RNF150: variants seen among roughly 807,000 people sequenced by gnomAD.
The protein encoded by RNF150 is ring finger protein 150.
RNF150 carries 24 observed loss-of-function variants against 39.3 expected under a neutral mutation model. That is an observed-to-expected ratio of 0.61 (90% CI 0.44 to 0.86). The LOEUF is 0.86. Among genes scored for constraint, RNF150 ranks in the 40% least tolerant of loss-of-function variants. The probability of loss-of-function intolerance (pLI) is 0.00; values close to 1 mark genes in which losing one functional copy is unlikely to be tolerated. For missense variants in RNF150, 502 were observed against 587.8 expected, an observed-to-expected ratio of 0.85 and a Z score of 1.51; for synonymous variants, 255 against 227.3, an observed-to-expected ratio of 1.12 and a Z score of -1.10.
At chr4:140,895,662 C>G (rs1177323742) in intron 6 of RNF150, among the ~76,000 whole-genome samples, 1 of 152,210 alleles carries the variant, frequency 6.6e-6, no homozygotes, top group African/African-American at 2.4e-5. Context: ...CAGATCTTAG[C>G]TGCAATGCAC....
intron 4 of RNF150, among the ~76,000 whole-genome samples, chr4:140,942,612 A>G (rs193220400): frequency 1.3e-5 from 2 of 152,240 alleles, no homozygotes; most frequent in East Asian, 3.9e-4. Flanking sequence ...CTTTATCCAA[A>G]ATGCTTGGGG....
At chr4:140,878,370 C>G (rs975928229) in intron 6 of RNF150, among the ~76,000 whole-genome samples, 4 of 151,828 alleles carry the variant, frequency 2.6e-5, no homozygotes, top group Non-Finnish European at 5.9e-5. Flanking sequence ...GGGGTTTTAC[C>G]ATATCAGCCA....
intron 1 of RNF150, among the ~76,000 whole-genome samples, chr4:141,103,429 C>T (rs1007496959): frequency 6.6e-6 from 1 of 152,144 alleles, no homozygotes; most frequent in Non-Finnish European, 1.5e-5. Context: ...ATTGTGGCCG[C>T]AGCAGGTATC....
At chr4:141,058,503 T>C (rs1369751061) in intron 1 of RNF150, among the ~76,000 whole-genome samples, 1 of 152,186 alleles carries the variant, frequency 6.6e-6, no homozygotes, top group African/African-American at 2.4e-5. Context: ...ACTGAAATCA[T>C]GTTTAGTAAC....
chr4:141,143,935 C>T (rs537601256), intron 1 of RNF150, among the ~76,000 whole-genome samples: 100 of 152,250 alleles, frequency 6.6e-4, no homozygotes, highest in African/African-American at 2.3e-3. Flanking sequence ...TATTTCACTC[C>T]TCTTATTTTT....
At chr4:141,080,577 G>A (rs7441493) in intron 1 of RNF150, among the ~76,000 whole-genome samples, 114,201 of 151,970 alleles carry the variant, frequency 0.75, 43,487 homozygotes, top group East Asian at 1. Context: ...TCTCCTAGAA[G>A]AAGTCCATTC....
intron 5 of RNF150, among the ~76,000 whole-genome samples, chr4:140,916,692 C>T (rs868070123): frequency 8.3e-4 from 126 of 151,572 alleles, no homozygotes; most frequent in Non-Finnish European, 1.4e-3. Context: ...ATACAGAGAA[C>T]GCCACAAAGA....
intron 6 of RNF150, among the ~76,000 whole-genome samples, chr4:140,887,055 C>T (rs1418827715): frequency 1.3e-5 from 2 of 152,070 alleles, no homozygotes; most frequent in Non-Finnish European, 2.9e-5. Flanking sequence ...TCTGAAATCC[C>T]TAGAGTGATT....
chr4:140,962,076 T>C (rs1733053436), intron 2 of RNF150, among the ~76,000 whole-genome samples: 1 of 147,958 alleles, frequency 6.8e-6, no homozygotes, highest in African/African-American at 2.5e-5. Flanking sequence ...TCTCTCTCTC[T>C]CTCTACTCTC....
chr4:140,908,098 C>T (rs112407212), intron 6 of RNF150, among the ~76,000 whole-genome samples: 2 of 152,190 alleles, frequency 1.3e-5, no homozygotes, highest in East Asian at 1.9e-4. Flanking sequence ...ACTACACTTA[C>T]GTGTATATCC....
chr4:141,154,939 G>A (rs1462136741), intron 1 of RNF150, among the ~76,000 whole-genome samples: 1 of 152,110 alleles, frequency 6.6e-6, no homozygotes, highest in South Asian at 2.1e-4. Flanking sequence ...TTAGAAATAT[G>A]CCTATTCACT....
chr4:140,979,082 G>A (rs1375064772), intron 1 of RNF150, among the ~76,000 whole-genome samples: 1 of 152,066 alleles, frequency 6.6e-6, no homozygotes, highest in Admixed American at 6.6e-5. Flanking sequence ...TACTCAGTAG[G>A]CCCGCAATTG....
intron 1 of RNF150, among the ~76,000 whole-genome samples, chr4:141,013,199 T>C (rs1006563755): frequency 6.6e-6 from 1 of 152,228 alleles, no homozygotes; most frequent in African/African-American, 2.4e-5. Flanking sequence ...TATTGATATA[T>C]TGACAGGTGA....
intron 1 of RNF150, among the ~76,000 whole-genome samples, chr4:141,058,841 G>C (rs1233883158): frequency 3.9e-5 from 6 of 152,132 alleles, no homozygotes; most frequent in Non-Finnish European, 8.8e-5. Flanking sequence ...TAAAGTGTCT[G>C]GAAGGCACCA....
chr4:141,196,086 C>T (rs1728196314), intron 1 of RNF150, among the ~76,000 whole-genome samples: 1 of 152,086 alleles, frequency 6.6e-6, no homozygotes, highest in Admixed American at 6.6e-5. Context: ...GAAGAAACCC[C>T]AAGAAACAAC....
chr4:141,024,120 G>T (rs1179047743), intron 1 of RNF150, among the ~76,000 whole-genome samples: 1 of 152,158 alleles, frequency 6.6e-6, no homozygotes, highest in African/African-American at 2.4e-5. Flanking sequence ...AAGCAACTGA[G>T]AAGCTTGGTT....
At chr4:140,984,635 G>C (rs1733965063) in intron 1 of RNF150, among the ~76,000 whole-genome samples, 1 of 152,040 alleles carries the variant, frequency 6.6e-6, no homozygotes, top group South Asian at 2.1e-4. Flanking sequence ...ATACATTTTA[G>C]TGCACATTGT....
intron 5 of RNF150, among the ~76,000 whole-genome samples, chr4:140,921,245 A>T (rs1188457692): frequency 6.6e-6 from 1 of 151,806 alleles, no homozygotes; most frequent in Non-Finnish European, 1.5e-5. Flanking sequence ...AAGAAAAGAG[A>T]GAAGAATCAA....
intron 6 of RNF150, among the ~76,000 whole-genome samples, chr4:140,897,797 T>G (rs1730018240): frequency 6.6e-6 from 1 of 152,228 alleles, no homozygotes; most frequent in Non-Finnish European, 1.5e-5. Flanking sequence ...TAAGGATTAT[T>G]GCATTACATT....
Sources: gnomAD v4.1 joint callset for allele counts (sites outside exome capture counted in the v4.1 genomes callset) on GRCh38, gnomAD v4.1.1 for gene constraint, MANE v1.5 for transcripts, NCBI Gene and HGNC (gene_info 2026-07-23, HGNC 2026-07-21) for gene names.